Variants in LYRM4 observed in about 807,000 individuals in gnomAD.
LYRM4 encodes LYR motif containing 4.
A neutral mutation model predicts 11.7 loss-of-function variants in LYRM4; 9 were observed. The ratio of observed to expected loss-of-function variants is 0.77; its 90% confidence interval spans 0.46 to 1.34. LYRM4 has a LOEUF of 1.34. Among genes scored for constraint, LYRM4 ranks in the 40% most tolerant of loss-of-function variants. LYRM4 has a pLI of 0.00. For missense variants in LYRM4, 133 were observed against 112.5 expected (o/e 1.18, Z -0.82); for synonymous variants, 42 against 40.4 (o/e 1.04, Z -0.15).
At chr6:5,087,547 A>T in the LYRM4 span, 2 of 152,294 alleles carry the variant, frequency 1.3e-5, no homozygotes, top group Non-Finnish European at 2.9e-5. Flanking sequence ...GCACACTGTT[A>T]GGAGACTTGC....
intron 2 of LYRM4, among the ~76,000 whole-genome samples, chr6:5,182,185 A>G (rs938199649): frequency 6.6e-6 from 1 of 152,168 alleles, no homozygotes; most frequent in Non-Finnish European, 1.5e-5. Flanking sequence ...TTTGTTTTTA[A>G]CTGAGACAGG....
At chr6:5,245,128 A>G (rs1764125147) in intron 1 of LYRM4, among the ~76,000 whole-genome samples, 1 of 61,368 alleles carries the variant, frequency 1.6e-5, no homozygotes, top group Non-Finnish European at 3.0e-5. Flanking sequence ...ATATATATAT[A>G]TATATATATA....
chr6:5,119,878 C>T (rs754441450), intron 2 of LYRM4, among the ~76,000 whole-genome samples: 10 of 150,910 alleles, frequency 6.6e-5, no homozygotes, highest in Admixed American at 6.6e-5. Flanking sequence ...TGTGACATTC[C>T]GCATCATCAT....
At chr6:5,201,656 C>T (rs1212968722) in intron 2 of LYRM4, among the ~76,000 whole-genome samples, 1 of 152,140 alleles carries the variant, frequency 6.6e-6, no homozygotes, top group Admixed American at 6.5e-5. Context: ...CCTGAAGATC[C>T]AGGGCACCAA....
At chr6:5,190,673 T>C (rs1031562089) in intron 2 of LYRM4, among the ~76,000 whole-genome samples, 12 of 152,072 alleles carry the variant, frequency 7.9e-5, no homozygotes, top group African/African-American at 2.9e-4. Context: ...ATCTAGTAAC[T>C]CTGCCGTTGT....
chr6:5,245,099 AAAAAAAAAAAAAAAATATATATATAT>A (rs1764083599), intron 1 of LYRM4, among the ~76,000 whole-genome samples: 5 of 47,390 alleles, frequency 1.1e-4, no homozygotes, highest in Admixed American at 5.0e-4. Flanking sequence ...TAAAAAAAAA[AAAAAAAAAAAAAAAATATATATATAT>A]ATATATATAT....
chr6:5,242,561 A>C (rs1167883395), intron 1 of LYRM4, among the ~76,000 whole-genome samples: 1 of 151,102 alleles, frequency 6.6e-6, no homozygotes, highest in Non-Finnish European at 1.5e-5. Context: ...ACTCTATTAA[A>C]AATACAAAAT....
chr6:5,221,076 C>T (rs1218125535), intron 1 of LYRM4, among the ~76,000 whole-genome samples: 3 of 152,166 alleles, frequency 2.0e-5, no homozygotes, highest in African/African-American at 4.8e-5. Flanking sequence ...ATCCTCTTGC[C>T]TTGGCCTCTC....
At chr6:5,205,204 C>T (rs1477901974) in intron 2 of LYRM4, among the ~76,000 whole-genome samples, 4 of 150,376 alleles carry the variant, frequency 2.7e-5, no homozygotes, top group African/African-American at 1.0e-4. Context: ...GTCCAGAGAA[C>T]AATGAGATTG....
At chr6:5,057,135 C>T in the LYRM4 span, among the ~76,000 whole-genome samples, 2 of 152,128 alleles carry the variant, frequency 1.3e-5, no homozygotes, top group Non-Finnish European at 2.9e-5. Context: ...GTTAAAAAGG[C>T]AAATCATGTC....
At chr6:5,247,843 C>T (rs960176610) in intron 1 of LYRM4, among the ~76,000 whole-genome samples, 1 of 152,036 alleles carries the variant, frequency 6.6e-6, no homozygotes, top group South Asian at 2.1e-4. Flanking sequence ...ACTAATTGAG[C>T]AATGATGAAC....
At chr6:5,238,048 T>TA (rs1763653551) in intron 1 of LYRM4, among the ~76,000 whole-genome samples, 1 of 151,976 alleles carries the variant, frequency 6.6e-6, no homozygotes. Flanking sequence ...CCTGGCTGCT[T>TA]ACTGTCCTGC....
At chr6:5,216,984 C>A (rs1353423700) in intron 1 of LYRM4, among the ~76,000 whole-genome samples, 1 of 152,114 alleles carries the variant, frequency 6.6e-6, no homozygotes, top group African/African-American at 2.4e-5. Context: ...CTGAAGTGTT[C>A]CTTAGATTAT....
chr6:5,161,561 G>A (rs942159963), intron 2 of LYRM4, among the ~76,000 whole-genome samples: 5 of 152,174 alleles, frequency 3.3e-5, no homozygotes, highest in Non-Finnish European at 7.4e-5. Flanking sequence ...AGGAGAGTAA[G>A]ATTTTAACTG....
At chr6:5,219,716 TTC>T (rs903236801) in intron 1 of LYRM4, among the ~76,000 whole-genome samples, 2 of 152,066 alleles carry the variant, frequency 1.3e-5, no homozygotes, top group Admixed American at 6.5e-5. Flanking sequence ...TTTTTTTTTT[TTC>T]TTTTTTCTTT....
intron 2 of LYRM4, among the ~76,000 whole-genome samples, chr6:5,199,101 C>T (rs1761236847): frequency 6.6e-6 from 1 of 152,292 alleles, no homozygotes; most frequent in South Asian, 2.1e-4. Flanking sequence ...CAAAAACTGG[C>T]ATATGAATGT....
chr6:5,257,925 C>T (rs1386624391), intron 1 of LYRM4, among the ~76,000 whole-genome samples: 1 of 152,102 alleles, frequency 6.6e-6, no homozygotes, highest in Non-Finnish European at 1.5e-5. Context: ...AGCAATGAGA[C>T]CTGTTTGGCT....
intron 2 of LYRM4, among the ~76,000 whole-genome samples, chr6:5,188,032 T>A (rs1760521665): frequency 6.6e-6 from 1 of 152,170 alleles, no homozygotes; most frequent in Non-Finnish European, 1.5e-5. Flanking sequence ...GCCTTTGAAG[T>A]TTTTTGTCTA....
intron 2 of LYRM4, among the ~76,000 whole-genome samples, chr6:5,174,432 T>C (rs1759603822): frequency 1.3e-5 from 2 of 152,126 alleles, no homozygotes; most frequent in African/African-American, 4.8e-5. Context: ...CCAGAAGTGG[T>C]AATGAGGAGA....
Sources: allele counts gnomAD v4.1 joint callset (sites outside exome capture counted in the v4.1 genomes callset), GRCh38; gene constraint gnomAD v4.1.1; transcripts MANE v1.5; gene names NCBI Gene and HGNC (gene_info 2026-07-23, HGNC 2026-07-21).